The following HEG1 variants were observed in gnomAD, a reference collection of about 807,000 sequenced individuals.
The protein encoded by HEG1 is heart development protein with EGF like domains 1, also known as protein HEG homolog 1.
Under a neutral mutation model 125.6 loss-of-function variants are expected in HEG1, and 56 were observed. The observed-to-expected ratio is 0.45, with a 90% CI of 0.36 to 0.56. HEG1 has a LOEUF of 0.56. Among genes scored for constraint, HEG1 ranks in the 20% least tolerant of loss-of-function variants. HEG1 has a pLI of 0.00. For missense variants in HEG1, 1,523 were observed against 1,670.0 expected (o/e 0.91, Z 1.53); for synonymous variants, 644 against 668.5 (o/e 0.96, Z 0.57).
chr3:125,013,175 G>T lies in HEG1; in HGVS notation c.2404C>A (p.Pro802Thr). ...GTTACAGCTTTGGTGGACTCTGTGG[G>T]CAGAGACACCAGGCTTGGTGACTTT... ...ESKSPSLVSL[P>T]TESTKAVTTN... is the part of the protein sequence containing the mutation. Residue 802 changes from proline (P) to threonine (T), a missense_variant, in exon 6 of 17, where the codon CCC becomes ACC. Pro to Thr is a conservative substitution (Grantham distance 38, BLOSUM62 -1). Transcript: ENST00000311127. 6.2e-7 allele frequency: 1 copy of T among 1,614,024 alleles called. No homozygotes were observed. Among genetic ancestry groups the T allele is most frequent in the African/African-American group, 1.3e-5 (1 of 75,052 alleles).
chr3:124,971,372 C>T (rs1445964623), intron 16 of HEG1, among the ~76,000 whole-genome samples: 1 of 152,198 alleles, frequency 6.6e-6, no homozygotes, highest in Non-Finnish European at 1.5e-5. Context: ...CTACAGACTG[C>T]TCAGCCAGCT....
intron 2 of HEG1, among the ~76,000 whole-genome samples, chr3:125,028,328 A>G (rs772510968): frequency 6.6e-5 from 10 of 152,338 alleles, no homozygotes; most frequent in South Asian, 2.1e-4. Context: ...CCAGGTTTCA[A>G]AAGTCCTCCG....
intron 1 of HEG1, among the ~76,000 whole-genome samples, chr3:125,034,201 C>T (rs1391566232): frequency 2.5e-5 from 1 of 40,056 alleles, no homozygotes; most frequent in East Asian, 6.1e-4. Context: ...ATTGAGAAAA[C>T]GAGGCATCCA....
At chr3:125,019,866 T>C (rs1200856742) in intron 4 of HEG1, among the ~76,000 whole-genome samples, 1 of 152,116 alleles carries the variant, frequency 6.6e-6, no homozygotes, top group South Asian at 2.1e-4. Flanking sequence ...TAGGCTTGAG[T>C]GTTTCATTCT....
chr3:125,011,357 CTTATA>C (rs1937155354), intron 6 of HEG1, among the ~76,000 whole-genome samples: 1 of 152,178 alleles, frequency 6.6e-6, no homozygotes, highest in Non-Finnish European at 1.5e-5. Context: ...AAGCACAGCA[CTTATA>C]TAGCCAAACA....
At chr3:125,048,485 G>C (rs1259064762) in intron 1 of HEG1, among the ~76,000 whole-genome samples, 4 of 152,248 alleles carry the variant, frequency 2.6e-5, no homozygotes, top group Admixed American at 2.6e-4. Flanking sequence ...CTGCCTGGAA[G>C]GCTCTTGCTG....
chr3:125,034,292 A>G (rs1307817479), intron 1 of HEG1, among the ~76,000 whole-genome samples: 1 of 107,028 alleles, frequency 9.3e-6, no homozygotes, highest in Non-Finnish European at 2.1e-5. Context: ...TTGCCAACAA[A>G]TTAGAGAAGC....
Position 124,969,425 on chromosome 3 carries a change from T to C in HEG1, c.*1227A>G, listed in dbSNP as rs16836316. ...AACCACGTTTCTGGAGGGTGCGACA[T>C]AGCCATATGAAGAGGTACAAATGAC... On this transcript the variant is annotated 3_prime_UTR_variant, in exon 17 of 17. Coordinates refer to ENST00000311127, the MANE Select transcript of HEG1 (RefSeq NM_020733.2). 38,048 of 152,128 alleles carry C rather than the reference T, an allele frequency of 0.25. 4,890 individuals are homozygous for C. Among genetic ancestry groups the C allele is most frequent in the East Asian group, 0.39 (1,994 of 5,178 alleles). 9.4% of individuals were successfully genotyped at this position (152,128 alleles called of 1,614,324 possible).
intron 5 of HEG1, chr3:125,014,592 C>A (rs1481000034): frequency 1.6e-5 from 13 of 836,358 alleles, no homozygotes; most frequent in Non-Finnish European, 1.7e-5. Context: ...AAAGTTCTCT[C>A]CATAAAGAGC....
intron 1 of HEG1, among the ~76,000 whole-genome samples, chr3:125,049,376 G>A (rs9835358): frequency 0.084 from 12,813 of 152,158 alleles, 600 homozygotes; most frequent in Non-Finnish European, 0.1. Flanking sequence ...CCCTCATGCC[G>A]GGCTGGCATC....
chr3:125,037,232 C>T (rs181937700), intron 1 of HEG1, among the ~76,000 whole-genome samples: 84 of 152,218 alleles, frequency 5.5e-4, no homozygotes, highest in Non-Finnish European at 7.5e-4. Context: ...ATATCTATGA[C>T]AAATTGTCTC....
At position 124,966,284 on chromosome 3, in the gene HEG1, T is replaced by A. The variant is rs554158967; in HGVS notation, c.*4368A>T. 1 of 152,322 alleles carries A rather than the reference T, an allele frequency of 6.6e-6. No homozygotes were observed. The highest frequency in any genetic ancestry group is 1.9e-4 in the East Asian group (1 of 5,192). The allele number at this position is 152,322 out of a possible 1,614,324, so 9.4% of individuals were successfully genotyped here. A position where few individuals can be genotyped will look rare whatever the true frequency, so the allele number is the denominator to read the frequency against. On this transcript the variant is annotated 3_prime_UTR_variant, in exon 17 of 17. Transcript: ENST00000311127. ...TCTCGGACCTGTCGCTTTTTAGACC[T>A]GAATGGTCCCCCTTTGGTTTCATAG... is the stretch of plus-strand genomic sequence containing the variant.
chr3:124,974,453 G>T lies in HEG1; in HGVS notation c.3822-548C>A, dbSNP rs867840385. 3.3e-5 allele frequency among the ~76,000 whole-genome samples: 5 copies of T among 152,110 alleles called. No homozygotes were observed. In the South Asian group the frequency reaches 6.2e-4, roughly 19 times the overall value. On this transcript the variant is annotated intron_variant, in intron 15 of 16. Transcript: ENST00000311127. ...CTGGGTCACCTTTTGCTACTAGAAG[G>T]TGTGGAACTAGAATTCAGGCCTCCA...
At chr3:125,026,305 A>C (rs1937413920) in intron 3 of HEG1, among the ~76,000 whole-genome samples, 1 of 152,156 alleles carries the variant, frequency 6.6e-6, no homozygotes, top group Non-Finnish European at 1.5e-5. Flanking sequence ...AACCTAAAGG[A>C]AGTAACAGAC....
intron 14 of HEG1, among the ~76,000 whole-genome samples, chr3:124,980,526 T>G (rs768350911): frequency 3.7e-4 from 56 of 152,208 alleles, no homozygotes; most frequent in Non-Finnish European, 6.6e-4. Flanking sequence ...TTTTTATTTT[T>G]TTTTTATTTT....
intron 1 of HEG1, among the ~76,000 whole-genome samples, chr3:125,033,850 A>G (rs1205105930): frequency 6.6e-6 from 1 of 152,236 alleles, no homozygotes. Flanking sequence ...CAAAGGAGCA[A>G]GAACATTATT....
intron 1 of HEG1, among the ~76,000 whole-genome samples, chr3:125,052,527 A>G (rs1452435718): frequency 6.6e-6 from 1 of 152,116 alleles, no homozygotes; most frequent in Non-Finnish European, 1.5e-5. Context: ...ATTGATTTTC[A>G]TTATGATTTA....
chr3:125,043,137 C>T (rs577374587), intron 1 of HEG1, among the ~76,000 whole-genome samples: 5 of 152,366 alleles, frequency 3.3e-5, no homozygotes, highest in Middle Eastern at 6.8e-3. Context: ...CCCCTGCAAG[C>T]GCTCTAGCGA....
chr3:125,021,993 T>G (rs1022949748), intron 3 of HEG1, among the ~76,000 whole-genome samples: 1 of 152,204 alleles, frequency 6.6e-6, no homozygotes, highest in Admixed American at 6.5e-5. Flanking sequence ...GTCAAGAGCC[T>G]CAAGGAGTGA....
Sources: gnomAD v4.1 joint callset for allele counts (sites outside exome capture counted in the v4.1 genomes callset) on GRCh38, gnomAD v4.1.1 for gene constraint, MANE v1.5 for transcripts, NCBI Gene and HGNC (gene_info 2026-07-23, HGNC 2026-07-21) for gene names.